ZFP62: variants seen among roughly 807,000 people sequenced by gnomAD.
ZFP62 encodes the protein ZFP62 zinc finger protein, also known as zinc finger protein 62 homolog.
In ZFP62, 44 loss-of-function variants were observed where a neutral mutation model predicts 56.4. The observed-to-expected ratio is 0.78, with a 90% CI of 0.61 to 1.00. ZFP62 has a LOEUF of 1.00. Ranked by LOEUF, ZFP62 falls within the 50% of genes least tolerant of loss-of-function variation. The probability of loss-of-function intolerance (pLI) is 0.00; values close to 1 mark genes in which losing one functional copy is unlikely to be tolerated. For missense variants in ZFP62, 1,030 were observed against 1,085.7 expected (o/e 0.95, Z 0.72); for synonymous variants, 421 against 388.9 (o/e 1.08, Z -0.97).
At chr5:180,829,289 G>A in the ZFP62 span, among the ~76,000 whole-genome samples, 1 of 151,578 alleles carries the variant, frequency 6.6e-6, no homozygotes, top group African/African-American at 2.4e-5. Context: ...TCTTTGTTCT[G>A]CCTTTTGCCC....
chr5:180,860,976 G>C (rs1225026217), intron 1 of ZFP62, among the ~76,000 whole-genome samples: 4 of 152,216 alleles, frequency 2.6e-5, no homozygotes, highest in African/African-American at 9.6e-5. Flanking sequence ...AAACGTCGCA[G>C]TTGTGGCCCA....
At chr5:180,838,376 A>G in the ZFP62 span, among the ~76,000 whole-genome samples, 1 of 152,210 alleles carries the variant, frequency 6.6e-6, no homozygotes, top group Admixed American at 6.5e-5. Context: ...ATGAAAGTTG[A>G]GGAAGGGCTG....
the ZFP62 span, among the ~76,000 whole-genome samples, chr5:180,829,436 G>A: frequency 3.3e-5 from 5 of 152,302 alleles, no homozygotes; most frequent in Admixed American, 6.5e-5. Context: ...TGGTTTTACG[G>A]CTCAGGTGAG....
downstream of ZFP62, among the ~76,000 whole-genome samples, chr5:180,843,584 G>A (rs532237659): frequency 6.6e-6 from 1 of 152,224 alleles, no homozygotes; most frequent in East Asian, 1.9e-4. Flanking sequence ...CATTACTAGG[G>A]ATAAAAGGTT....
At chr5:180,844,923 T>G (rs1270631661), downstream of ZFP62, among the ~76,000 whole-genome samples, 1 of 152,110 alleles carries the variant, frequency 6.6e-6, no homozygotes, top group African/African-American at 2.4e-5. Flanking sequence ...TTCCATACAT[T>G]CTTATGCAAA....
At chr5:180,853,148 T>C (rs1292215583) in intron 1 of ZFP62, among the ~76,000 whole-genome samples, 2 of 152,230 alleles carry the variant, frequency 1.3e-5, no homozygotes, top group Non-Finnish European at 2.9e-5. Flanking sequence ...ATAGCATTAA[T>C]TGTAACTGCA....
chr5:180,835,953 A>G, the ZFP62 span, among the ~76,000 whole-genome samples: 3 of 152,268 alleles, frequency 2.0e-5, no homozygotes, highest in Non-Finnish European at 4.4e-5. Flanking sequence ...CGTTTCTGAC[A>G]GTACTCCATA....
the ZFP62 span, among the ~76,000 whole-genome samples, chr5:180,841,236 T>C: frequency 2.2e-5 from 3 of 136,710 alleles, no homozygotes; most frequent in Non-Finnish European, 4.7e-5. Flanking sequence ...GGCAGTGTGC[T>C]ATATCCATAT....
chr5:180,856,708 A>C (rs562650085), intron 1 of ZFP62, among the ~76,000 whole-genome samples: 3 of 151,456 alleles, frequency 2.0e-5, no homozygotes, highest in Non-Finnish European at 4.4e-5. Context: ...TAATCCCAGC[A>C]CTTTGGGAGG....
At position 180,848,233 on chromosome 5, in the gene ZFP62, G is replaced by C; in HGVS notation, c.*559C>G. On this transcript the variant is annotated 3_prime_UTR_variant, in exon 2 of 2. Transcript: ENST00000502412. ...AAAAGGAAATCCAAATTTTGTTTCA[G>C]AAGTCATCATCACTGCCCCCTCCCA... 3 of 985,344 alleles carry C rather than the reference G, an allele frequency of 3.0e-6. No homozygotes were observed. Among genetic ancestry groups the C allele is most frequent in the Non-Finnish European group, 3.6e-6 (3 of 829,948 alleles). 61.0% of individuals were successfully genotyped at this position (985,344 alleles called of 1,614,324 possible). A position where few individuals can be genotyped will look rare whatever the true frequency, so the allele number is the denominator to read the frequency against.
At chr5:180,841,423 A>G in the ZFP62 span, among the ~76,000 whole-genome samples, 2 of 152,132 alleles carry the variant, frequency 1.3e-5, no homozygotes, top group African/African-American at 2.4e-5. Context: ...TTCAGACAAC[A>G]ACTTTTACAG....
the ZFP62 span, chr5:180,835,861 T>C: frequency 6.6e-6 from 1 of 152,252 alleles, no homozygotes; most frequent in Non-Finnish European, 1.5e-5. Context: ...GTTGTTTGGC[T>C]CTTGCAGCCT....
Position 180,847,785 on chromosome 5 carries a change from A to G in ZFP62, c.*1007T>C, listed in dbSNP as rs1409730555. On this transcript the variant is annotated 3_prime_UTR_variant, in exon 2 of 2. Coordinates refer to ENST00000502412, the MANE Select transcript of ZFP62 (RefSeq NM_001172638.2). The stretch of plus-strand genomic sequence containing the variant: ...CAATAACACATTCCAAAAACAATCA[A>G]ACATTTAACAGGATTATTAAGAAAC... 1 of 985,406 alleles carries G rather than the reference A, an allele frequency of 1.0e-6. No homozygotes were observed. The highest frequency in any genetic ancestry group is 1.2e-6 in the Non-Finnish European group (1 of 829,918). The allele number at this position is 985,406 out of a possible 1,614,324, so 61.0% of individuals were successfully genotyped here.
intron 1 of ZFP62, chr5:180,851,995 G>C: frequency 1.0e-6 from 1 of 986,454 alleles, no homozygotes; most frequent in Non-Finnish European, 1.2e-6. Flanking sequence ...TACCTGGGGA[G>C]GGGTATCAGG....
chr5:180,850,401 T>C lies in ZFP62; in HGVS notation c.1094A>G (p.Tyr365Cys). ...AGCCTTCCCACATTCATCACATTCA[T>C]AAGGTTTCTCTCCAGTGTGGATGAC... ...HKVIHTGEKP[Y>C]ECDECGKAFR... The change falls in exon 2 of 2, where the codon TAT (tyrosine) becomes TGT (cysteine). Residue 365 changes from tyrosine (Y) to cysteine (C), a missense_variant. Physicochemically the swap from Tyr to Cys is radical, Grantham distance 194 (BLOSUM62 -2). Transcript: ENST00000502412. 1 of 1,560,510 alleles carries C rather than the reference T, an allele frequency of 6.4e-7. No homozygotes were observed. The highest frequency in any genetic ancestry group is 1.2e-5 in the South Asian group (1 of 84,646).
intron 1 of ZFP62, among the ~76,000 whole-genome samples, chr5:180,859,528 G>C (rs943870296): frequency 3.9e-5 from 6 of 152,248 alleles, no homozygotes; most frequent in African/African-American, 1.4e-4. Flanking sequence ...AAATAAGAAT[G>C]AAAGGTGATT....
rs1773682272 is a variant in ZFP62 at position 180,851,115 on chromosome 5, T to A, written c.380A>T (p.Tyr127Phe). 6.4e-7 allele frequency: 1 copy of A among 1,551,696 alleles called. No individual in the cohort carries two copies. The highest frequency in any genetic ancestry group is 1.4e-5 in the African/African-American group (1 of 73,166). Residue 127 changes from tyrosine to phenylalanine, a missense_variant, in exon 2 of 2, where the codon TAC (tyrosine) becomes TTC (phenylalanine). Tyr to Phe is a conservative substitution (Grantham distance 22). Coordinates refer to ENST00000502412, the MANE Select transcript of ZFP62 (RefSeq NM_001172638.2). ...ATTGGTTTTCTGCTGTAGACTAGGG[T>A]AGGAGGTTCCATTAATGTTCTCCAC... ...KRVENINGTS[Y>F]PSLQQKTNAV... is the part of the protein sequence containing the mutation.
rs144991971 is a variant in ZFP62 at position 180,860,570 on chromosome 5, G to A, written c.1+649C>T. ...TGCTTGCAGGAACACGCGGCAGGTC[G>A]CCTCCTCCCCGGTGCACCCGTCTGT... On this transcript the variant is annotated intron_variant, in intron 1 of 1. Coordinates refer to ENST00000502412, the MANE Select transcript of ZFP62 (RefSeq NM_001172638.2). The A allele has an allele frequency of 8.0e-3, 1,213 of 151,490 alleles. 13 individuals are homozygous for A. Among genetic ancestry groups the A allele is most frequent in the African/African-American group, 0.028 (1,144 of 41,228 alleles). The allele number at this position is 151,490 out of a possible 1,614,324, so 9.4% of individuals were successfully genotyped here.
chr5:180,831,819 C>G, the ZFP62 span: 1 of 152,642 alleles, frequency 6.6e-6, no homozygotes, highest in South Asian at 2.1e-4. Flanking sequence ...CGGTCTTTCT[C>G]CACCAGACTC....
Sources: gnomAD v4.1 joint callset for allele counts (sites outside exome capture counted in the v4.1 genomes callset) on GRCh38, gnomAD v4.1.1 for gene constraint, MANE v1.5 for transcripts, NCBI Gene and HGNC (gene_info 2026-07-23, HGNC 2026-07-21) for gene names.